GPR39: variants seen among roughly 807,000 people sequenced by gnomAD.
GPR39 encodes the protein G protein-coupled receptor 39, also known as zinc sensing receptor.
GPR39 carries 23 observed loss-of-function variants against 18.4 expected under a neutral mutation model. The observed-to-expected ratio is 1.25, with a 90% CI of 0.90 to 1.77. The LOEUF is 1.77. Among genes scored for constraint, GPR39 ranks in the 40% most tolerant of loss-of-function variants. The probability of loss-of-function intolerance (pLI) is 0.00; values close to 1 mark genes in which losing one functional copy is unlikely to be tolerated. For missense variants in GPR39, 647 were observed against 602.4 expected (o/e 1.07, Z -0.78); for synonymous variants, 280 against 257.9 (o/e 1.09, Z -0.82).
At chr2:132,485,513 T>G (rs1231241664) in intron 1 of GPR39, among the ~76,000 whole-genome samples, 1 of 152,252 alleles carries the variant, frequency 6.6e-6, no homozygotes, top group African/African-American at 2.4e-5. Context: ...GTCAATCCTC[T>G]AAAATCCCTG....
In GPR39 at chr2:132,539,201, G is replaced by T. The variant is rs1447652027; in HGVS notation, c.857-105900G>T. Among the ~76,000 whole-genome samples the T allele has an allele frequency of 2.0e-5, 3 of 151,594 alleles. No homozygotes were observed. In the South Asian group the frequency reaches 6.3e-4, roughly 32 times the overall value. On this transcript the variant is annotated intron_variant, in intron 1 of 1. Coordinates refer to ENST00000329321, the MANE Select transcript of GPR39 (RefSeq NM_001508.3). ...GCCCTGGTGGTGTAGATGCACAAGG[G>T]AATCTACTGATCTGTGGATTGCAAA...
intron 1 of GPR39, among the ~76,000 whole-genome samples, chr2:132,473,626 A>C (rs555222428): frequency 1.6e-4 from 25 of 152,310 alleles, no homozygotes; most frequent in Admixed American, 1.0e-3. Flanking sequence ...AATCTGCTTC[A>C]GGAAGTATGT....
intron 1 of GPR39, among the ~76,000 whole-genome samples, chr2:132,579,990 T>A (rs1277006976): frequency 6.6e-6 from 1 of 152,184 alleles, no homozygotes; most frequent in Non-Finnish European, 1.5e-5. Flanking sequence ...CTTCATTCAT[T>A]TTAGGTAAAA....
At chr2:132,572,248 T>C (rs1239199510) in intron 1 of GPR39, among the ~76,000 whole-genome samples, 1 of 152,212 alleles carries the variant, frequency 6.6e-6, no homozygotes, top group Non-Finnish European at 1.5e-5. Context: ...TTCTTCCGTC[T>C]GGTGTTCTTG....
chr2:132,432,114 G>C (rs951531526), intron 1 of GPR39, among the ~76,000 whole-genome samples: 1 of 152,076 alleles, frequency 6.6e-6, no homozygotes, highest in Non-Finnish European at 1.5e-5. Flanking sequence ...TGCTCCATTT[G>C]GGCTGTTATA....
chr2:132,584,323 G>A (rs1002469202), intron 1 of GPR39, among the ~76,000 whole-genome samples: 2 of 152,176 alleles, frequency 1.3e-5, no homozygotes, highest in African/African-American at 4.8e-5. Flanking sequence ...CCTCTCTCAG[G>A]CAAACAGATG....
At chr2:132,485,076 C>T (rs1681305263) in intron 1 of GPR39, among the ~76,000 whole-genome samples, 2 of 152,248 alleles carry the variant, frequency 1.3e-5, no homozygotes, top group Admixed American at 6.5e-5. Context: ...ACCTTGGAGA[C>T]ATCGCAGGTT....
intron 1 of GPR39, among the ~76,000 whole-genome samples, chr2:132,427,184 A>T (rs1406203935): frequency 1.8e-4 from 18 of 98,742 alleles, no homozygotes; most frequent in African/African-American, 7.1e-4. Flanking sequence ...TTTTTTTTTG[A>T]GACGGAGTCT....
chr2:132,598,431 C>CCT (rs369514635), intron 1 of GPR39, among the ~76,000 whole-genome samples: 12 of 90,460 alleles, frequency 1.3e-4, no homozygotes, highest in Non-Finnish European at 2.3e-4. Context: ...CTAAGGTGAA[C>CCT]TTTTTTTTTT....
At chr2:132,465,695 G>A (rs1482463747) in intron 1 of GPR39, among the ~76,000 whole-genome samples, 1 of 152,112 alleles carries the variant, frequency 6.6e-6, no homozygotes, top group Non-Finnish European at 1.5e-5. Context: ...ATGGGAAGAG[G>A]GTTGCATAAA....
At chr2:132,468,896 G>A (rs377257958) in intron 1 of GPR39, among the ~76,000 whole-genome samples, 123 of 152,316 alleles carry the variant, frequency 8.1e-4, no homozygotes, top group Middle Eastern at 3.4e-3. Flanking sequence ...ACATTGTCAC[G>A]TAGGCAGTCA....
At chr2:132,562,381 A>G (rs1361913892) in intron 1 of GPR39, among the ~76,000 whole-genome samples, 1 of 152,174 alleles carries the variant, frequency 6.6e-6, no homozygotes, top group East Asian at 1.9e-4. Context: ...TGCATGTTAC[A>G]CAAGGCCCTT....
intron 1 of GPR39, among the ~76,000 whole-genome samples, chr2:132,534,243 C>G (rs926625834): frequency 6.6e-6 from 1 of 152,018 alleles, no homozygotes; most frequent in Non-Finnish European, 1.5e-5. Flanking sequence ...AAAAAATGTT[C>G]ATCATCACTG....
chr2:132,524,217 G>C (rs10183993), intron 1 of GPR39, among the ~76,000 whole-genome samples: 150,805 of 152,362 alleles, frequency 0.99, 74,656 homozygotes, highest in Middle Eastern at 1. Flanking sequence ...AAGAGGGAAC[G>C]AAGAGGGTCT....
intron 1 of GPR39, among the ~76,000 whole-genome samples, chr2:132,455,273 G>C (rs1360575820): frequency 2.0e-5 from 3 of 152,150 alleles, no homozygotes; most frequent in Non-Finnish European, 1.5e-5. Flanking sequence ...TTGCATAGAG[G>C]TGTTTATAGT....
chr2:132,615,062 T>C (rs1370447747), intron 1 of GPR39, among the ~76,000 whole-genome samples: 2 of 152,146 alleles, frequency 1.3e-5, no homozygotes, highest in Non-Finnish European at 2.9e-5. Context: ...GCCTCCCCCA[T>C]GCCCACCCCA....
chr2:132,455,124 G>T (rs942172089), intron 1 of GPR39, among the ~76,000 whole-genome samples: 9 of 152,122 alleles, frequency 5.9e-5, no homozygotes, highest in Non-Finnish European at 1.3e-4. Flanking sequence ...ACTTTTTTGT[G>T]TTGGTAGGCT....
At chr2:132,435,692 G>T (rs967773647) in intron 1 of GPR39, among the ~76,000 whole-genome samples, 1 of 152,124 alleles carries the variant, frequency 6.6e-6, no homozygotes, top group Non-Finnish European at 1.5e-5. Context: ...AGAGAACTTG[G>T]TTCTAGTCAT....
At chr2:132,548,198 T>G (rs955668106) in intron 1 of GPR39, among the ~76,000 whole-genome samples, 1 of 152,254 alleles carries the variant, frequency 6.6e-6, no homozygotes, top group Non-Finnish European at 1.5e-5. Context: ...TGTCTCCTTT[T>G]CAGCTGCCCA....
Sources: gnomAD v4.1 joint callset for allele counts (sites outside exome capture counted in the v4.1 genomes callset) on GRCh38, gnomAD v4.1.1 for gene constraint, MANE v1.5 for transcripts, NCBI Gene and HGNC (gene_info 2026-07-23, HGNC 2026-07-21) for gene names.